SZRD1: variants seen among roughly 807,000 people sequenced by gnomAD.
SZRD1 encodes the protein SUZ RNA binding domain containing 1.
SZRD1 carries 7 observed loss-of-function variants against 17.6 expected under a neutral mutation model. That is an observed-to-expected ratio of 0.40 (90% CI 0.23 to 0.75). The LOEUF (loss-of-function observed/expected upper bound fraction) is 0.75. SZRD1 is among the 30% of genes least tolerant of loss of function. The pLI, the probability that SZRD1 is intolerant of heterozygous loss-of-function variation, is 0.38. For synonymous variants in SZRD1, 77 were observed against 77.9 expected, an observed-to-expected ratio of 0.99 and a Z score of 0.06; for missense variants, 178 against 201.8, an observed-to-expected ratio of 0.88 and a Z score of 0.71.
intron 1 of SZRD1, among the ~76,000 whole-genome samples, chr1:16,376,569 G>A (rs1308581640): frequency 6.6e-6 from 1 of 152,124 alleles, no homozygotes; most frequent in Admixed American, 6.6e-5. Flanking sequence ...ACTTTGGGGG[G>A]CCGAGGCAGG....
intron 1 of SZRD1, among the ~76,000 whole-genome samples, chr1:16,377,079 C>T (rs2083016537): frequency 6.6e-6 from 1 of 152,118 alleles, no homozygotes; most frequent in South Asian, 2.1e-4. Context: ...CTGTTGTTAC[C>T]TCTTGTGTTC....
Position 16,386,175 on chromosome 1 carries a change from A to T in SZRD1, c.52-5200A>T, listed in dbSNP as rs149837299. ...TTTCCAGGAGCAGGAGCCATAGGAG[A>T]TCACTTTCCTGGCCACCGCCCTGTG... is the stretch of plus-strand genomic sequence containing the variant. On this transcript the variant is annotated intron_variant, in intron 1 of 3. Transcript: ENST00000401088. Among the ~76,000 whole-genome samples the T allele has an allele frequency of 8.7e-3, 1,324 of 152,294 alleles. 13 individuals are homozygous for T. Among genetic ancestry groups the T allele is most frequent in the African/African-American group, 0.03 (1,259 of 41,558 alleles).
chr1:16,387,623 T>A (rs1335015225), intron 1 of SZRD1: 1 of 456,734 alleles, frequency 2.2e-6, no homozygotes, highest in Admixed American at 2.3e-5. Flanking sequence ...GCTGCTTGCC[T>A]GGTCTATGAA....
At chr1:16,373,830 T>C (rs1050553655) in intron 1 of SZRD1, among the ~76,000 whole-genome samples, 1 of 152,094 alleles carries the variant, frequency 6.6e-6, no homozygotes, top group Non-Finnish European at 1.5e-5. Context: ...CTCGAATGCC[T>C]GAACATAAGT....
At chr1:16,394,964 T>TA in intron 3 of SZRD1, 74 bp from the exon 4 acceptor site, 1 of 920,542 alleles carries the variant, frequency 1.1e-6, no homozygotes, top group Non-Finnish European at 1.7e-6. Context: ...CAAAAATAAA[T>TA]AAAAAATAAA....
intron 1 of SZRD1, among the ~76,000 whole-genome samples, chr1:16,384,574 C>T (rs756788995): frequency 3.8e-4 from 58 of 152,094 alleles, no homozygotes; most frequent in Non-Finnish European, 7.6e-4. Context: ...AACAAGACCC[C>T]TTGCAGGGGA....
rs780793593 is a variant in SZRD1, at chr1:16,396,525, AAG to A, written c.*1388_*1389del. 5 of 152,190 alleles carry A rather than the reference AAG, an allele frequency of 3.3e-5. No homozygotes were observed. Among genetic ancestry groups the A allele is most frequent in the Non-Finnish European group, 5.9e-5 (4 of 68,052 alleles). 9.4% of individuals were successfully genotyped at this position (152,190 alleles called of 1,614,324 possible). On this transcript the variant is annotated 3_prime_UTR_variant, in exon 4 of 4. Coordinates refer to ENST00000401088, the MANE Select transcript of SZRD1 (RefSeq NM_001114600.3). ...TTGGCTCCTTGAGGTGGAAGAGACT[AAG>A]AGGGCAGCTGCCCAGAGCAGCTGTG...
At position 16,397,530 on chromosome 1, in the gene SZRD1, G is replaced by C. The variant is rs2085332401; in HGVS notation, c.*2390G>C. On this transcript the variant is annotated 3_prime_UTR_variant, in exon 4 of 4. Transcript: ENST00000401088. The surrounding 1 kb of genome is among the most constrained non-coding windows in gnomAD (Gnocchi z 5.4). ...GCTTGGAAAACCCCAGGGGGATGGG[G>C]GGCAGAAACCTGAGGCTGCTGCCCC... The C allele has an allele frequency of 6.6e-6, 1 of 152,220 alleles. No homozygotes were observed. Among genetic ancestry groups the C allele is most frequent in the Non-Finnish European group, 1.5e-5 (1 of 68,088 alleles). 9.4% of individuals were successfully genotyped at this position (152,220 alleles called of 1,614,324 possible). A position where few individuals can be genotyped will look rare whatever the true frequency, so the allele number is the denominator to read the frequency against.
chr1:16,388,107 T>C (rs1054734068), intron 1 of SZRD1, among the ~76,000 whole-genome samples: 2 of 152,176 alleles, frequency 1.3e-5, no homozygotes, highest in African/African-American at 4.8e-5. Flanking sequence ...CAGAATACAA[T>C]AAATTACATA....
At chr1:16,372,112 T>C (rs772332671) in intron 1 of SZRD1, among the ~76,000 whole-genome samples, 6 of 152,154 alleles carry the variant, frequency 3.9e-5, no homozygotes, top group Non-Finnish European at 5.9e-5. Context: ...GCAAACACTT[T>C]TTTCTTTTTC....
intron 1 of SZRD1, among the ~76,000 whole-genome samples, chr1:16,385,913 C>T (rs953990819): frequency 2.0e-5 from 3 of 152,288 alleles, no homozygotes; most frequent in South Asian, 2.1e-4. Context: ...CCAGCCCTGT[C>T]GAGAACCACC....
chr1:16,382,475 A>C (rs1304352850), intron 1 of SZRD1, among the ~76,000 whole-genome samples: 3 of 145,992 alleles, frequency 2.1e-5, no homozygotes, highest in Non-Finnish European at 4.5e-5. Flanking sequence ...GGCATGAACC[A>C]CTGCGCCTGG....
chr1:16,398,024 T>G lies in SZRD1; in HGVS notation c.*2884T>G. On this transcript the variant is annotated 3_prime_UTR_variant, in exon 4 of 4. Coordinates refer to ENST00000401088, the MANE Select transcript of SZRD1 (RefSeq NM_001114600.3). Reference sequence around the variant, plus strand: ...GGGAGGGAGGGCTGCACCCCTGCAGTCTTACTCTGCTGGTGTAGCGGGCAG... The same window carrying G: ...GGGAGGGAGGGCTGCACCCCTGCAGGCTTACTCTGCTGGTGTAGCGGGCAG... The G allele has an allele frequency of 1.1e-6, 1 of 886,678 alleles. No individual in the cohort carries two copies. The highest frequency in any genetic ancestry group is 5.2e-5 in the South Asian group (1 of 19,220). The allele number at this position is 886,678 out of a possible 1,614,324, so 54.9% of individuals were successfully genotyped here. A position where few individuals can be genotyped will look rare whatever the true frequency, so the allele number is the denominator to read the frequency against.
rs565385300 is a variant in SZRD1, at chr1:16,391,781, G to C, written c.101+357G>C. ...CTGGACATCAGTTTCTTTCTCTGTG[G>C]CATGAGGAGTGTGGGCAGATGATTT... On this transcript the variant is annotated intron_variant, in intron 2 of 3. Coordinates refer to ENST00000401088, the MANE Select transcript of SZRD1 (RefSeq NM_001114600.3). This position sits in a 1 kb window ranked among gnomAD's most constrained non-coding sequence, Gnocchi z 4.3. Among the ~76,000 whole-genome samples, 24 of 152,258 alleles carry C rather than the reference G, an allele frequency of 1.6e-4. No homozygotes were observed. The highest frequency in any genetic ancestry group is 2.5e-4 in the Non-Finnish European group (17 of 68,000).
intron 3 of SZRD1, among the ~76,000 whole-genome samples, chr1:16,394,781 C>T (rs1020160979): frequency 6.6e-6 from 1 of 151,990 alleles, no homozygotes; most frequent in Non-Finnish European, 1.5e-5. Flanking sequence ...ATGGTGAAAC[C>T]CCATCTCTAC....
Position 16,380,471 on chromosome 1 carries a change from A to ATTT in SZRD1, c.52-10895_52-10893dup, listed in dbSNP as rs57317351. The stretch of plus-strand genomic sequence containing the variant: ...GCATGTGCCACCATGCCTGGCTTTT[A>ATTT]TTTTTTTTTTTGAGATGGAGTTTCT... On this transcript the variant is annotated intron_variant, in intron 1 of 3. Transcript: ENST00000401088. Among the ~76,000 whole-genome samples, 176 of 145,576 alleles carry ATTT rather than the reference A, an allele frequency of 1.2e-3. 1 individual carries two copies. The highest frequency in any genetic ancestry group is 1.1e-3 in the Non-Finnish European group (73 of 65,930).
In SZRD1 at chr1:16,371,883, C is replaced by T. The variant is rs930930909; in HGVS notation, c.51+4575C>T. 1.3e-4 allele frequency among the ~76,000 whole-genome samples: 20 copies of T among 152,256 alleles called. 1 individual carries two copies. Among genetic ancestry groups the T allele is most frequent in the African/African-American group, 4.1e-4 (17 of 41,540 alleles). ...CCCACAGGCGTGTACCACTATGTGC[C>T]TGGCTAATTTAAAAAGAAAATTTTT... On this transcript the variant is annotated intron_variant, in intron 1 of 3. Coordinates refer to ENST00000401088, the MANE Select transcript of SZRD1 (RefSeq NM_001114600.3).
chr1:16,382,417 A>ATCTC (rs774217102), intron 1 of SZRD1, among the ~76,000 whole-genome samples: 47 of 151,586 alleles, frequency 3.1e-4, no homozygotes, highest in Non-Finnish European at 4.4e-4. Flanking sequence ...GGAACTCCTG[A>ATCTC]TCTCAGGTGA....
intron 3 of SZRD1, 34 bp from the exon 4 acceptor site, chr1:16,395,001 CCTT>C (rs762865318): frequency 2.6e-5 from 31 of 1,180,652 alleles, no homozygotes; most frequent in Non-Finnish European, 3.8e-5. Flanking sequence ...TCTATTATAT[CCTT>C]CTTCAGGCCT....
Sources: allele counts gnomAD v4.1 joint callset (sites outside exome capture counted in the v4.1 genomes callset), GRCh38; gene constraint gnomAD v4.1.1; non-coding constraint Gnocchi (gnomAD v3.1); transcripts MANE v1.5; gene names NCBI Gene and HGNC (gene_info 2026-07-23, HGNC 2026-07-21).